PLCD3: variants seen among roughly 807,000 people sequenced by gnomAD.
The protein encoded by PLCD3 is 1-phosphatidylinositol 4,5-bisphosphate phosphodiesterase delta-3.
PLCD3 carries 62 observed loss-of-function variants against 82.8 expected under a neutral mutation model. The ratio of observed to expected loss-of-function variants is 0.75; its 90% CI spans 0.61 to 0.93. The LOEUF (loss-of-function observed/expected upper bound fraction) is 0.93, where lower values mean the gene tolerates loss of function less well. Among genes scored for constraint, PLCD3 ranks in the 40% least tolerant of loss-of-function variants. The pLI is 0.00. For synonymous variants in PLCD3, 478 were observed against 471.8 expected (o/e 1.01, Z -0.17); for missense variants, 1,023 against 1,103.4 (o/e 0.93, Z 1.03).
At chr17:45,125,985 A>G (rs1338376469) in intron 1 of PLCD3, among the ~76,000 whole-genome samples, 1 of 152,242 alleles carries the variant, frequency 6.6e-6, no homozygotes, top group Non-Finnish European at 1.5e-5. Flanking sequence ...AATTAATGCC[A>G]GTGAATTAAC....
intron 12 of PLCD3, 89 bp downstream of exon 12, chr17:45,113,350 C>CCCCAGCCT (rs1298231802): frequency 6.5e-6 from 10 of 1,549,656 alleles, no homozygotes; most frequent in Non-Finnish European, 8.7e-7. Flanking sequence ...TTCCAAATGT[C>CCCCAGCCT]CCCAGCCTCC....
At position 45,118,212 on chromosome 17, in the gene PLCD3, G is replaced by T; in HGVS notation, c.1116-74C>A. ...CAGAGCAGGGCAGCAGGCAGGCTGGGCCAGGAAGGCCCCAGGAAGCCAGCC... is the reference window on the plus strand; with the variant it reads ...CAGAGCAGGGCAGCAGGCAGGCTGGTCCAGGAAGGCCCCAGGAAGCCAGCC... On this transcript the variant is annotated intron_variant, in intron 6 of 14. Transcript: ENST00000619929. The surrounding 1 kb of genome is among the most constrained non-coding windows in gnomAD (Gnocchi z 4.1). 6.2e-7 allele frequency: 1 copy of T among 1,611,120 alleles called. No homozygotes were observed. The highest frequency in any genetic ancestry group is 8.5e-7 in the Non-Finnish European group (1 of 1,177,992).
At chr17:45,113,914 C>T (rs557615397) in intron 11 of PLCD3, among the ~76,000 whole-genome samples, 4 of 152,226 alleles carry the variant, frequency 2.6e-5, no homozygotes, top group Middle Eastern at 3.4e-3. Flanking sequence ...CCCAAGGAGA[C>T]GATACAGCCC....
chr17:45,114,426 G>T, intron 10 of PLCD3, 60 bp from the exon 11 acceptor site: 1 of 1,380,994 alleles, frequency 7.2e-7, no homozygotes, highest in Non-Finnish European at 9.9e-7. Flanking sequence ...CCAAAGCCCC[G>T]GCCTGTAACC....
chr17:45,119,318 C>T (rs1350795353), intron 4 of PLCD3, among the ~76,000 whole-genome samples: 1 of 152,226 alleles, frequency 6.6e-6, no homozygotes, highest in Non-Finnish European at 1.5e-5. Context: ...GCTTCCAACG[C>T]GTGATCTCAA....
intron 1 of PLCD3, among the ~76,000 whole-genome samples, chr17:45,126,145 G>A (rs2054379798): frequency 1.3e-5 from 2 of 150,574 alleles, no homozygotes; most frequent in Admixed American, 6.7e-5. Flanking sequence ...CTGGGTTCAC[G>A]CCATTCTCCT....
chr17:45,119,214 G>A lies in PLCD3; in HGVS notation c.685-171C>T, dbSNP rs148360639. 1,117 of 619,866 alleles carry A rather than the reference G, an allele frequency of 1.8e-3. 5 individuals are homozygous for A. The African/African-American group carries it at 0.018, about 10-fold the overall frequency. 38.4% of individuals were successfully genotyped at this position (619,866 alleles called of 1,614,324 possible). A position where few individuals can be genotyped will look rare whatever the true frequency, so the allele number is the denominator to read the frequency against. On this transcript the variant is annotated intron_variant, in intron 4 of 14. Transcript: ENST00000619929. ...CACACAGCTGGTAAATTACAGGGCA[G>A]GATTTTTTGGTTTGTTTTTTAGGTT...
At chr17:45,128,468 TG>T (rs2054397543) in intron 1 of PLCD3, among the ~76,000 whole-genome samples, 1 of 152,214 alleles carries the variant, frequency 6.6e-6, no homozygotes, top group Non-Finnish European at 1.5e-5. Context: ...CTGCCAGGGC[TG>T]GGGGTTGTTC....
chr17:45,115,316 T>TCCCCCCCCCCCCCCCCCCCC, intron 9 of PLCD3, 28 bp downstream of exon 9: 1 of 1,474,950 alleles, frequency 6.8e-7, no homozygotes, highest in Non-Finnish European at 9.1e-7. Context: ...TTCCCCCCCT[T>TCCCCCCCCCCCCCCCCCCCC]CCCCACCCCA....
chr17:45,119,112 G>C, intron 4 of PLCD3, 69 bp from the exon 5 acceptor site: 2 of 1,222,560 alleles, frequency 1.6e-6, no homozygotes, highest in Non-Finnish European at 2.3e-6. Context: ...TGACCCATCT[G>C]TCATCTACCA....
chr17:45,114,660 ATTC>A (rs2054275283), intron 10 of PLCD3, among the ~76,000 whole-genome samples: 1 of 152,090 alleles, frequency 6.6e-6, no homozygotes, highest in South Asian at 2.1e-4. Context: ...GGTTCCTGGA[ATTC>A]TTCTCCAGGC....
At chr17:45,131,318 ACTATT>A (rs1287694669) in intron 1 of PLCD3, among the ~76,000 whole-genome samples, 1 of 152,148 alleles carries the variant, frequency 6.6e-6, no homozygotes, top group Non-Finnish European at 1.5e-5. Context: ...TCCATCACTG[ACTATT>A]CTACCAATGG....
intron 7 of PLCD3, among the ~76,000 whole-genome samples, chr17:45,117,413 T>C (rs111386686): frequency 7.9e-5 from 12 of 152,132 alleles, no homozygotes; most frequent in African/African-American, 2.9e-4. Context: ...ACTCAGCTAA[T>C]TTTTATTTTT....
At chr17:45,124,042 C>A (rs1020083429) in intron 1 of PLCD3, among the ~76,000 whole-genome samples, 1 of 151,356 alleles carries the variant, frequency 6.6e-6, no homozygotes, top group African/African-American at 2.4e-5. Context: ...GCCTGCAGCG[C>A]CACTACACTT....
rs890359043 is a variant in PLCD3 at position 45,111,913 on chromosome 17, C to CTGTA, written c.*699_*702dup. ...ATTAGCCAGGTTTGGTGGCCTGTGC[C>CTGTA]TGTAGTCCCAGCTACTCAGGAGGCT... On this transcript the variant is annotated 3_prime_UTR_variant, in exon 15 of 15. Transcript: ENST00000619929. The CTGTA allele has an allele frequency of 6.6e-6, 1 of 152,284 alleles. No individual in the cohort carries two copies. Among genetic ancestry groups the CTGTA allele is most frequent in the African/African-American group, 2.4e-5 (1 of 41,316 alleles). 9.4% of individuals were successfully genotyped at this position (152,284 alleles called of 1,614,324 possible). A position where few individuals can be genotyped will look rare whatever the true frequency, so the allele number is the denominator to read the frequency against.
intron 4 of PLCD3, 54 bp from the exon 5 acceptor site, chr17:45,119,097 C>T (rs1282909660): frequency 1.6e-5 from 23 of 1,399,484 alleles, no homozygotes; most frequent in Non-Finnish European, 2.2e-5. Context: ...GAAACCTGGC[C>T]CCTTTGACCC....
rs200792069 is a variant in PLCD3, at chr17:45,121,226, G to C, written c.310C>G (p.Pro104Ala). The C allele has an allele frequency of 5.8e-4, 923 of 1,589,092 alleles. 2 individuals are homozygous for C. The highest frequency in any genetic ancestry group is 1.8e-3 in the Middle Eastern group (11 of 6,046). Residue 104 changes from proline (P) to alanine (A), a missense_variant, in exon 2 of 15, where the codon CCA becomes GCA. Coordinates refer to ENST00000619929, the MANE Select transcript of PLCD3 (RefSeq NM_133373.5). ...GGCCTCTCACAGATGTGCTGCGATGGCGCACGCGGGATGCGCCGCTGGAAC... is the reference window on the plus strand; with the variant it reads ...GGCCTCTCACAGATGTGCTGCGATGCCGCACGCGGGATGCGCCGCTGGAAC... ...VWFQRRIPRAPSQHIFFVQHI... is the reference protein window; with the variant it reads ...VWFQRRIPRAASQHIFFVQHI...
chr17:45,116,503 G>C, intron 8 of PLCD3, 129 bp downstream of exon 8: 1 of 1,031,778 alleles, frequency 9.7e-7, no homozygotes, highest in Non-Finnish European at 1.3e-6. Flanking sequence ...CAGATGAACA[G>C]AGGAACAGAG....
intron 1 of PLCD3, among the ~76,000 whole-genome samples, chr17:45,131,685 C>A (rs1235066060): frequency 6.6e-6 from 1 of 152,270 alleles, no homozygotes; most frequent in South Asian, 2.1e-4. Context: ...CAGTTACATT[C>A]CTTCTCCACG....
Sources: allele counts gnomAD v4.1 joint callset (sites outside exome capture counted in the v4.1 genomes callset), GRCh38; gene constraint gnomAD v4.1.1; non-coding constraint Gnocchi (gnomAD v3.1); transcripts MANE v1.5; gene names NCBI Gene and HGNC (gene_info 2026-07-23, HGNC 2026-07-21).